The following IFI27 variants were observed in gnomAD, a reference collection of about 807,000 sequenced individuals.
IFI27 encodes interferon alpha-inducible protein 27, mitochondrial.
Under a neutral mutation model 8.9 loss-of-function variants are expected in IFI27, and 3 were observed. The observed-to-expected ratio is 0.34, with a 90% confidence interval of 0.15 to 0.87. The LOEUF is 0.87. Among genes scored for constraint, IFI27 ranks in the 40% least tolerant of loss-of-function variants. The pLI is 0.51. For missense variants in IFI27, 152 were observed against 157.7 expected (o/e 0.96, Z 0.19); for synonymous variants, 66 against 67.3 (o/e 0.98, Z 0.09).
chr14:94,115,120 G>A (rs1030342732), intron 3 of IFI27, among the ~76,000 whole-genome samples: 1 of 152,200 alleles, frequency 6.6e-6, no homozygotes, highest in African/African-American at 2.4e-5. Flanking sequence ...GCCGGCAGAG[G>A]CCATTTCCCC....
rs1211588104 is a variant in IFI27, at chr14:94,116,436, TCC to T, written c.284-4_284-3del. The T allele has an allele frequency of 3.7e-6, 6 of 1,606,634 alleles. No homozygotes were observed. The highest frequency in any genetic ancestry group is 1.3e-5 in the African/African-American group (1 of 74,884). On this transcript the variant is annotated splice_polypyrimidine_tract_variant and splice_region_variant and intron_variant, in intron 4 of 4. Transcript: ENST00000621160. The surrounding 1 kb of genome is among the most constrained non-coding windows in gnomAD (Gnocchi z 4.3). ...CCCACTCTGTCCACCCTCTGCTTCT[TCC>T]CAGGAGCAACTGGACTCTCCGGATT...
chr14:94,114,981 T>G, intron 3 of IFI27, 101 bp downstream of exon 3: 1 of 1,097,910 alleles, frequency 9.1e-7, no homozygotes, highest in Non-Finnish European at 1.4e-6. Flanking sequence ...CTCACATGGG[T>G]GGTCAGGGGA....
rs554609222 is a variant in IFI27, at chr14:94,111,062, T to A, written c.-59+265T>A. The A allele has an allele frequency of 6.5e-6, 1 of 154,326 alleles. No individual in the cohort carries two copies. Among genetic ancestry groups the A allele is most frequent in the Non-Finnish European group, 1.5e-5 (1 of 68,270 alleles). 9.6% of individuals were successfully genotyped at this position (154,326 alleles called of 1,614,324 possible). A position where few individuals can be genotyped will look rare whatever the true frequency, so the allele number is the denominator to read the frequency against. On this transcript the variant is annotated intron_variant, in intron 1 of 4. Coordinates refer to ENST00000621160, the Ensembl canonical transcript of IFI27. This position sits in a 1 kb window ranked among gnomAD's most constrained non-coding sequence, Gnocchi z 4.3. ...GGGTAAAGTGGGCAAGGGGAAGAGA[T>A]AAGTGTTAGGAGGAACCAAGTCGAA... is the stretch of plus-strand genomic sequence containing the variant.
At chr14:94,108,002 C>A (rs781171412), upstream of IFI27, among the ~76,000 whole-genome samples, 155 of 152,276 alleles carry the variant, frequency 1.0e-3, no homozygotes, top group Non-Finnish European at 1.5e-3. Flanking sequence ...CCCCCTTCCC[C>A]CAACAGGCCA....
Position 94,111,817 on chromosome 14 carries a change from G to A in IFI27, c.91+44G>A, listed in dbSNP as rs773370002. ...GGCTGGTGCTGGGGGCGAGGAGGCG[G>A]CTGGGAAGGGCGGGGGTCCTGTCCC... On this transcript the variant is annotated intron_variant, in intron 2 of 4. Coordinates refer to ENST00000621160, the Ensembl canonical transcript of IFI27. This position sits in a 1 kb window ranked among gnomAD's most constrained non-coding sequence, Gnocchi z 4.3. 9.7e-6 allele frequency: 14 copies of A among 1,440,054 alleles called. No homozygotes were observed. In the South Asian group the frequency reaches 1.5e-4, roughly 15 times the overall value. The allele number at this position is 1,440,054 out of a possible 1,614,324, so 89.2% of individuals were successfully genotyped here.
upstream of IFI27, chr14:94,105,930 T>C (rs1887009082): frequency 6.6e-6 from 1 of 152,194 alleles, no homozygotes; most frequent in Admixed American, 6.5e-5. Context: ...TATGCAAATA[T>C]CTCTTTAAGA....
chr14:94,116,227 T>C lies in IFI27; in HGVS notation c.284-215T>C. On this transcript the variant is annotated intron_variant, in intron 4 of 4. Coordinates refer to ENST00000621160, the Ensembl canonical transcript of IFI27. The surrounding 1 kb of genome is among the most constrained non-coding windows in gnomAD (Gnocchi z 4.3). Reference sequence around the variant, plus strand: ...TCCTTCCCTGAAGAGCGAGGCTGCTTCTAGCTCTGGAGTTCACCATGGGGG... The same window carrying C: ...TCCTTCCCTGAAGAGCGAGGCTGCTCCTAGCTCTGGAGTTCACCATGGGGG... The C allele has an allele frequency of 1.5e-6, 1 of 659,364 alleles. No individual in the cohort carries two copies. Among genetic ancestry groups the C allele is most frequent in the African/African-American group, 1.8e-5 (1 of 56,134 alleles). 40.8% of individuals were successfully genotyped at this position (659,364 alleles called of 1,614,324 possible). A position where few individuals can be genotyped will look rare whatever the true frequency, so the allele number is the denominator to read the frequency against.
At chr14:94,110,251 A>G (rs1228288898), upstream of IFI27, among the ~76,000 whole-genome samples, 1 of 152,130 alleles carries the variant, frequency 6.6e-6, no homozygotes, top group Non-Finnish European at 1.5e-5. Context: ...GTTTGCCCCC[A>G]TTGCTGGTAA....
rs1349712790 is a variant in IFI27 at position 94,116,251 on chromosome 14, G to C, written c.284-191G>C. 4.6e-6 allele frequency: 3 copies of C among 646,398 alleles called. No homozygotes were observed. The highest frequency in any genetic ancestry group is 1.8e-5 in the South Asian group (1 of 56,646). 40.0% of individuals were successfully genotyped at this position (646,398 alleles called of 1,614,324 possible). A position where few individuals can be genotyped will look rare whatever the true frequency, so the allele number is the denominator to read the frequency against. On this transcript the variant is annotated intron_variant, in intron 4 of 4. Transcript: ENST00000621160. The surrounding 1 kb of genome is among the most constrained non-coding windows in gnomAD (Gnocchi z 4.3). ...TTCTAGCTCTGGAGTTCACCATGGGGGTTCATGCCTGCAGCAGCCTCTCCC... is the reference window on the plus strand; with the variant it reads ...TTCTAGCTCTGGAGTTCACCATGGGCGTTCATGCCTGCAGCAGCCTCTCCC...
upstream of IFI27, among the ~76,000 whole-genome samples, chr14:94,106,419 C>T (rs1355396630): frequency 6.6e-6 from 1 of 152,212 alleles, no homozygotes; most frequent in African/African-American, 2.4e-5. Flanking sequence ...ACTACTCCAT[C>T]TTACGATCCC....
chr14:94,115,733 G>T (rs915158058), intron 3 of IFI27, 48 bp from the exon 4 acceptor site: 17 of 1,570,984 alleles, frequency 1.1e-5, no homozygotes, highest in African/African-American at 2.7e-5. Flanking sequence ...TGTATCTGGG[G>T]GGGTCCCTTC....
At chr14:94,114,750 C>A (rs1313152152) in intron 2 of IFI27, 101 bp from the exon 3 acceptor site, 19 of 1,298,270 alleles carry the variant, frequency 1.5e-5, no homozygotes, top group Non-Finnish European at 2.1e-5. Flanking sequence ...TGGCTCCCAA[C>A]CTGGGGCAGC....
At chr14:94,109,377 G>GAAGGGC (rs771543145), upstream of IFI27, among the ~76,000 whole-genome samples, 9 of 150,198 alleles carry the variant, frequency 6.0e-5, no homozygotes, top group East Asian at 6.0e-4. Context: ...GAAGGGCAGG[G>GAAGGGC]AAGGGCAAGG....
In IFI27 at chr14:94,116,245, C is replaced by A; in HGVS notation, c.284-197C>A. 1.5e-6 allele frequency: 1 copy of A among 647,488 alleles called. No individual in the cohort carries two copies. The allele number at this position is 647,488 out of a possible 1,614,324, so 40.1% of individuals were successfully genotyped here. A position where few individuals can be genotyped will look rare whatever the true frequency, so the allele number is the denominator to read the frequency against. On this transcript the variant is annotated intron_variant, in intron 4 of 4. Coordinates refer to ENST00000621160, the Ensembl canonical transcript of IFI27. This position sits in a 1 kb window ranked among gnomAD's most constrained non-coding sequence, Gnocchi z 4.3. ...GGCTGCTTCTAGCTCTGGAGTTCACCATGGGGGTTCATGCCTGCAGCAGCC... is the reference window on the plus strand; with the variant it reads ...GGCTGCTTCTAGCTCTGGAGTTCACAATGGGGGTTCATGCCTGCAGCAGCC...
At chr14:94,108,316 T>C (rs529194364), upstream of IFI27, among the ~76,000 whole-genome samples, 1 of 152,352 alleles carries the variant, frequency 6.6e-6, no homozygotes, top group African/African-American at 2.4e-5. Context: ...CACGTGTCTT[T>C]ATAGTAGCCA....
chr14:94,112,998 C>T (rs752030157), intron 2 of IFI27: 4 of 152,328 alleles, frequency 2.6e-5, no homozygotes, highest in East Asian at 1.9e-4. Context: ...CTTAAGCAAG[C>T]GCTTTTATGT....
chr14:94,107,894 G>T (rs1887034848), upstream of IFI27, among the ~76,000 whole-genome samples: 1 of 152,052 alleles, frequency 6.6e-6, no homozygotes, highest in Non-Finnish European at 1.5e-5. Context: ...ACAACGTGCA[G>T]GTTTGTTACA....
chr14:94,106,551 C>T (rs1472396707), upstream of IFI27, among the ~76,000 whole-genome samples: 2 of 152,174 alleles, frequency 1.3e-5, no homozygotes, highest in African/African-American at 4.8e-5. Flanking sequence ...ATCTGCATTT[C>T]CCTAATGATT....
intron 2 of IFI27, 120 bp from the exon 3 acceptor site, chr14:94,114,731 C>A: frequency 1.0e-6 from 1 of 955,134 alleles, no homozygotes; most frequent in Non-Finnish European, 1.7e-6. Flanking sequence ...CAGGAGTCAT[C>A]CCTTCTTGTG....
Sources: gnomAD v4.1 joint callset for allele counts (sites outside exome capture counted in the v4.1 genomes callset) on GRCh38, gnomAD v4.1.1 for gene constraint, Gnocchi (gnomAD v3.1) non-coding constraint, MANE v1.5 for transcripts, NCBI Gene and HGNC (gene_info 2026-07-23, HGNC 2026-07-21) for gene names.